The following PACSIN1 variants were observed in gnomAD, a reference collection of about 807,000 sequenced individuals.
PACSIN1 encodes protein kinase C and casein kinase substrate in neurons protein 1.
Under a neutral mutation model 59.5 loss-of-function variants are expected in PACSIN1, and 15 were observed. That is an observed-to-expected ratio of 0.25 (90% confidence interval 0.17 to 0.39). The LOEUF is 0.39. Among genes scored for constraint, PACSIN1 ranks in the 10% least tolerant of loss-of-function variants. The probability of loss-of-function intolerance (pLI) is 1.00; values close to 1 mark genes in which losing one functional copy is unlikely to be tolerated. For missense variants in PACSIN1, 420 were observed against 580.2 expected, an observed-to-expected ratio of 0.72 and a Z score of 2.84; for synonymous variants, 210 against 220.6, an observed-to-expected ratio of 0.95 and a Z score of 0.42.
At chr6:34,477,120 T>TGCACTG (rs1420208299) in intron 1 of PACSIN1, among the ~76,000 whole-genome samples, 1 of 152,192 alleles carries the variant, frequency 6.6e-6, no homozygotes, top group Non-Finnish European at 1.5e-5. Context: ...CTCCAGGGGC[T>TGCACTG]GCACTGAGGG....
At chr6:34,501,234 G>A (rs1479962696) in intron 1 of PACSIN1, among the ~76,000 whole-genome samples, 1 of 152,236 alleles carries the variant, frequency 6.6e-6, no homozygotes, top group East Asian at 1.9e-4. Flanking sequence ...ATGAGCCACT[G>A]AGGCTGGCCT....
At chr6:34,523,679 A>T (rs540334405) in intron 1 of PACSIN1, among the ~76,000 whole-genome samples, 3 of 152,200 alleles carry the variant, frequency 2.0e-5, no homozygotes, top group Non-Finnish European at 4.4e-5. Flanking sequence ...TGAGAGATGC[A>T]GCCTTTTTAG....
At chr6:34,495,288 G>C (rs894960987) in intron 1 of PACSIN1, among the ~76,000 whole-genome samples, 3 of 152,148 alleles carry the variant, frequency 2.0e-5, no homozygotes, top group Non-Finnish European at 4.4e-5. Context: ...GAAAGAACAA[G>C]AAATATTCAG....
At chr6:34,508,647 G>A (rs370486754) in intron 1 of PACSIN1, among the ~76,000 whole-genome samples, 7 of 152,172 alleles carry the variant, frequency 4.6e-5, no homozygotes, top group African/African-American at 1.7e-4. Flanking sequence ...CAGGGCACAA[G>A]TGTTCAAATT....
intron 1 of PACSIN1, among the ~76,000 whole-genome samples, chr6:34,523,296 A>G (rs145679605): frequency 2.0e-5 from 3 of 152,330 alleles, no homozygotes; most frequent in African/African-American, 7.2e-5. Context: ...GCCTTAAATC[A>G]TAAGATCACA....
intron 1 of PACSIN1, among the ~76,000 whole-genome samples, chr6:34,494,553 C>G (rs951130559): frequency 1.3e-5 from 2 of 152,156 alleles, no homozygotes; most frequent in African/African-American, 4.8e-5. Context: ...AGCAATCCTC[C>G]TACCTCAGCC....
intron 1 of PACSIN1, among the ~76,000 whole-genome samples, chr6:34,478,715 C>G (rs538549575): frequency 6.6e-6 from 1 of 152,210 alleles, no homozygotes; most frequent in African/African-American, 2.4e-5. Flanking sequence ...GTAGCAACCT[C>G]CAATGGTGAC....
At chr6:34,508,267 C>T (rs1767145199) in intron 1 of PACSIN1, among the ~76,000 whole-genome samples, 1 of 152,044 alleles carries the variant, frequency 6.6e-6, no homozygotes, top group African/African-American at 2.4e-5. Context: ...CCACACCTGG[C>T]CAATTTTTTG....
chr6:34,471,438 A>G (rs185129924), intron 1 of PACSIN1, among the ~76,000 whole-genome samples: 13 of 152,360 alleles, frequency 8.5e-5, no homozygotes, highest in Admixed American at 7.2e-4. Flanking sequence ...CCATCTGTTA[A>G]CTTTCTATAC....
chr6:34,476,984 C>T (rs1313887172), intron 1 of PACSIN1, among the ~76,000 whole-genome samples: 2 of 152,156 alleles, frequency 1.3e-5, no homozygotes, highest in South Asian at 4.1e-4. Flanking sequence ...TGTGTCAGCT[C>T]GGGATTTCCC....
rs552647432 is a variant in PACSIN1 at position 34,533,817 on chromosome 6, A to C, written c.*1287A>C. ...TGTCTCCAAACCTGGGTCAGAGTGA[A>C]AGGACCTTTGGGGGTGGGTGGGAGC... On this transcript the variant is annotated 3_prime_UTR_variant, in exon 10 of 10. Transcript: ENST00000244458. 6.6e-6 allele frequency: 1 copy of C among 152,536 alleles called. No homozygotes were observed. Among genetic ancestry groups the C allele is most frequent in the East Asian group, 1.9e-4 (1 of 5,180 alleles). The allele number at this position is 152,536 out of a possible 1,614,324, so 9.4% of individuals were successfully genotyped here.
At position 34,526,250 on chromosome 6, in the gene PACSIN1, G is replaced by T; in HGVS notation, c.-56G>T. The stretch of plus-strand genomic sequence containing the variant: ...TCTCTCCTGCCCTCCCAGTGCATGA[G>T]CAGCCGAGCCTGCTAACCGCAGCTC... On this transcript the variant is annotated 5_prime_UTR_variant, in exon 2 of 10. Coordinates refer to ENST00000244458, the MANE Select transcript of PACSIN1 (RefSeq NM_020804.5). 6.8e-7 allele frequency: 1 copy of T among 1,461,230 alleles called. No homozygotes were observed. The allele number at this position is 1,461,230 out of a possible 1,614,324, so 90.5% of individuals were successfully genotyped here.
Position 34,484,706 on chromosome 6 carries a change from A to G in PACSIN1, c.-64+18436A>G, listed in dbSNP as rs149491380. The stretch of plus-strand genomic sequence containing the variant: ...AGGGTGGCTACTATGTGGGTGGGAG[A>G]GGGTGTATGGGAACTCTCTGTATTT... On this transcript the variant is annotated intron_variant, in intron 1 of 9. Coordinates refer to ENST00000244458, the MANE Select transcript of PACSIN1 (RefSeq NM_020804.5). 5.7e-4 allele frequency among the ~76,000 whole-genome samples: 87 copies of G among 152,284 alleles called. 1 individual carries two copies. Among genetic ancestry groups the G allele is most frequent in the Non-Finnish European group, 9.4e-4 (64 of 68,034 alleles).
chr6:34,504,763 AC>A (rs1231072158), intron 1 of PACSIN1, among the ~76,000 whole-genome samples: 1 of 151,926 alleles, frequency 6.6e-6, no homozygotes, highest in Non-Finnish European at 1.5e-5. Flanking sequence ...ACTTCCTTTA[AC>A]TATTCTTTTA....
chr6:34,478,369 C>CTTTTTT (rs35124068), intron 1 of PACSIN1, among the ~76,000 whole-genome samples: 1 of 67,888 alleles, frequency 1.5e-5, no homozygotes. Context: ...TATTTATCTT[C>CTTTTTT]TTTTTTTTTT....
At chr6:34,482,062 CT>C (rs1243840458) in intron 1 of PACSIN1, among the ~76,000 whole-genome samples, 1 of 152,016 alleles carries the variant, frequency 6.6e-6, no homozygotes, top group African/African-American at 2.4e-5. Flanking sequence ...TGACTGGCTT[CT>C]TTTTTTGTTT....
chr6:34,484,703 G>A (rs751342356), intron 1 of PACSIN1, among the ~76,000 whole-genome samples: 2 of 152,136 alleles, frequency 1.3e-5, no homozygotes, highest in Non-Finnish European at 2.9e-5. Context: ...ATGTGGGTGG[G>A]AGAGGGTGTA....
chr6:34,510,993 G>A (rs1006523012), intron 1 of PACSIN1, among the ~76,000 whole-genome samples: 1 of 152,198 alleles, frequency 6.6e-6, no homozygotes, highest in Non-Finnish European at 1.5e-5. Flanking sequence ...GATTACAGGT[G>A]TGAGCCACCG....
rs533051879 is a variant in PACSIN1 at position 34,503,208 on chromosome 6, G to T, written c.-63-23035G>T. ...TGCCTGAGGCCAGGAGTTTAAGGCTGCAGTGAGCTATGATTGTGCCACTGC... is the reference window on the plus strand; with the variant it reads ...TGCCTGAGGCCAGGAGTTTAAGGCTTCAGTGAGCTATGATTGTGCCACTGC... On this transcript the variant is annotated intron_variant, in intron 1 of 9. Coordinates refer to ENST00000244458, the MANE Select transcript of PACSIN1 (RefSeq NM_020804.5). Among the ~76,000 whole-genome samples the T allele has an allele frequency of 9.3e-5, 14 of 150,792 alleles. No individual in the cohort carries two copies. In the South Asian group the frequency reaches 2.1e-3, roughly 23 times the overall value.
Sources: allele counts gnomAD v4.1 joint callset (sites outside exome capture counted in the v4.1 genomes callset), GRCh38; gene constraint gnomAD v4.1.1; transcripts MANE v1.5; gene names NCBI Gene and HGNC (gene_info 2026-07-23, HGNC 2026-07-21).